The following NOXRED1 variants were observed in gnomAD, a reference collection of about 807,000 sequenced individuals.
The protein encoded by NOXRED1 is NADP dependent oxidoreductase domain containing 1.
A neutral mutation model predicts 30.4 loss-of-function variants in NOXRED1; 20 were observed. The observed-to-expected ratio is 0.66, with a 90% CI of 0.46 to 0.96. The LOEUF is 0.96. NOXRED1 is among the 40% of genes least tolerant of loss of function. NOXRED1 has a pLI of 0.00. For synonymous variants in NOXRED1, 155 were observed against 168.0 expected (o/e 0.92, Z 0.60); for missense variants, 374 against 428.0 (o/e 0.87, Z 1.11).
At chr14:77,414,520 T>G (rs1894761551) in intron 1 of NOXRED1, among the ~76,000 whole-genome samples, 1 of 152,178 alleles carries the variant, frequency 6.6e-6, no homozygotes, top group Non-Finnish European at 1.5e-5. Flanking sequence ...TTCTGCTTTG[T>G]CATTTAAGGT....
intron 3 of NOXRED1, among the ~76,000 whole-genome samples, chr14:77,407,194 C>A (rs1249867605): frequency 2.6e-5 from 4 of 152,210 alleles, no homozygotes; most frequent in African/African-American, 9.6e-5. Context: ...GAGAATACTT[C>A]AGTGTTCAAG....
rs772721948 is a variant in NOXRED1, at chr14:77,405,982, GCTGTGTCTTTCC to G, written c.824_835del (p.Gly275_Thr278del). 1 of 1,613,792 alleles carries G rather than the reference GCTGTGTCTTTCC, an allele frequency of 6.2e-7. No homozygotes were observed. The highest frequency in any genetic ancestry group is 1.1e-5 in the South Asian group (1 of 91,068). On this transcript the variant is annotated inframe_deletion, in exon 5 of 6. Transcript: ENST00000380835. ...TGTTAATTGCAACTTTGGGCAAGATGCTGTGTCTTTCCCACAGTCTTCAAAGTGCACGGAGAG... is the reference window on the plus strand; with the variant it reads ...TGTTAATTGCAACTTTGGGCAAGATGCACAGTCTTCAAAGTGCACGGAGAG...
chr14:77,410,839 T>C (rs2139683900), intron 2 of NOXRED1, among the ~76,000 whole-genome samples: 1 of 152,312 alleles, frequency 6.6e-6, no homozygotes, highest in East Asian at 1.9e-4. Flanking sequence ...AGCACTGACC[T>C]GTGTGTAGTG....
chr14:77,406,971 C>A (rs1260100007), intron 3 of NOXRED1, 96 bp from the exon 4 acceptor site: 7 of 1,055,988 alleles, frequency 6.6e-6, no homozygotes, highest in East Asian at 5.2e-5. Context: ...CAACAGACTC[C>A]CCCACACAGC....
In NOXRED1 at chr14:77,422,917, A is replaced by G; in HGVS notation, c.-28T>C. On this transcript the variant is annotated 5_prime_UTR_variant, in exon 1 of 6. Coordinates refer to ENST00000380835, the MANE Select transcript of NOXRED1 (RefSeq NM_001113475.3). ...CCAAGCCACTATTTCCTGCAGTGAT[A>G]GACACTAATCAATTTGGCTCCCTGT... is the stretch of plus-strand genomic sequence containing the variant. 1 of 1,598,326 alleles carries G rather than the reference A, an allele frequency of 6.3e-7. No homozygotes were observed. The highest frequency in any genetic ancestry group is 1.7e-5 in the Admixed American group (1 of 57,272).
chr14:77,423,038 ACT>A lies in NOXRED1; in HGVS notation c.-151_-150del, dbSNP rs1895043504. On this transcript the variant is annotated 5_prime_UTR_variant, in exon 1 of 6. Coordinates refer to ENST00000380835, the MANE Select transcript of NOXRED1 (RefSeq NM_001113475.3). ...TGATGATGGGCTTCAGCACCTCTCT[ACT>A]CCCAGATTCTGAATTTGGAATTCAC... 3 of 628,666 alleles carry A rather than the reference ACT, an allele frequency of 4.8e-6. No homozygotes were observed. Among genetic ancestry groups the A allele is most frequent in the Non-Finnish European group, 5.6e-6 (2 of 359,646 alleles). 38.9% of individuals were successfully genotyped at this position (628,666 alleles called of 1,614,324 possible).
chr14:77,414,855 C>A (rs1224307650), intron 1 of NOXRED1, among the ~76,000 whole-genome samples: 1 of 151,954 alleles, frequency 6.6e-6, no homozygotes, highest in Non-Finnish European at 1.5e-5. Flanking sequence ...TCTGTGCAGA[C>A]AGCTTTCAAT....
chr14:77,415,181 AACACACACACACAC>A lies in NOXRED1; in HGVS notation c.156-1068_156-1055del, dbSNP rs57039967. Among the ~76,000 whole-genome samples the A allele has an allele frequency of 1.0e-3, 152 of 149,158 alleles. 1 individual carries two copies. The highest frequency in any genetic ancestry group is 1.8e-3 in the East Asian group (9 of 5,052). On this transcript the variant is annotated intron_variant, in intron 1 of 5. Coordinates refer to ENST00000380835, the MANE Select transcript of NOXRED1 (RefSeq NM_001113475.3). ...ACAGAGCAAGACCCTGTCTCAGGAAAACACACACACACACACACACACACACACACACACACACC... is the reference window on the plus strand; with the variant it reads ...ACAGAGCAAGACCCTGTCTCAGGAAAACACACACACACACACACACACACC...
chr14:77,407,722 G>T, intron 2 of NOXRED1, 77 bp from the exon 3 acceptor site: 2 of 978,968 alleles, frequency 2.0e-6, no homozygotes, highest in Non-Finnish European at 3.2e-6. Context: ...GGGAGAGGGT[G>T]ATCATTATTT....
At chr14:77,396,058 A>T (rs1894169542) in intron 5 of NOXRED1, among the ~76,000 whole-genome samples, 1 of 152,100 alleles carries the variant, frequency 6.6e-6, no homozygotes, top group East Asian at 1.9e-4. Context: ...CTGTTAAAAA[A>T]AAAATCAAGA....
chr14:77,417,364 G>A (rs8003282), intron 1 of NOXRED1, among the ~76,000 whole-genome samples: 1 of 152,034 alleles, frequency 6.6e-6, no homozygotes, highest in South Asian at 2.1e-4. Context: ...TTGTCTGGTT[G>A]TTCTATCCAT....
intron 1 of NOXRED1, among the ~76,000 whole-genome samples, chr14:77,415,631 T>TAGATAGATAGATAGACAGAC (rs1555363632): frequency 9.2e-5 from 13 of 141,392 alleles, no homozygotes; most frequent in East Asian, 8.1e-4. Context: ...GATAGATAGA[T>TAGATAGATAGATAGACAGAC]AGACAGACAG....
intron 5 of NOXRED1, among the ~76,000 whole-genome samples, chr14:77,398,460 A>G (rs2139663501): frequency 6.6e-6 from 1 of 152,274 alleles, no homozygotes; most frequent in African/African-American, 2.4e-5. Context: ...GAAGAGAAAT[A>G]GCCAGTTCCA....
In NOXRED1 at chr14:77,399,891, GATAA is replaced by G. The variant is rs1278533208; in HGVS notation, c.906-5090_906-5087del. 2.6e-5 allele frequency among the ~76,000 whole-genome samples: 4 copies of G among 151,646 alleles called. No homozygotes were observed. In the South Asian group the frequency reaches 8.3e-4, roughly 32 times the overall value. ...GGAAGCTCAAGAAGACACCAAGCAG[GATAA>G]ATAACAAAAACACACAAGAAACTAT... On this transcript the variant is annotated intron_variant, in intron 5 of 5. Coordinates refer to ENST00000380835, the MANE Select transcript of NOXRED1 (RefSeq NM_001113475.3).
In NOXRED1 at chr14:77,394,583, T is replaced by A; in HGVS notation, c.*48A>T. The A allele has an allele frequency of 6.9e-7, 1 of 1,449,112 alleles. No individual in the cohort carries two copies. Among genetic ancestry groups the A allele is most frequent in the Non-Finnish European group, 9.6e-7 (1 of 1,037,102 alleles). The allele number at this position is 1,449,112 out of a possible 1,614,324, so 89.8% of individuals were successfully genotyped here. A position where few individuals can be genotyped will look rare whatever the true frequency, so the allele number is the denominator to read the frequency against. Reference sequence around the variant, plus strand: ...ATTGTGATAATCAGGGCACAACTATTATAGGGAAAATCTGTGAGTGGGAAA... The same window carrying A: ...ATTGTGATAATCAGGGCACAACTATAATAGGGAAAATCTGTGAGTGGGAAA... On this transcript the variant is annotated 3_prime_UTR_variant, in exon 6 of 6. Coordinates refer to ENST00000380835, the MANE Select transcript of NOXRED1 (RefSeq NM_001113475.3).
At chr14:77,410,933 T>A (rs1894632162) in intron 2 of NOXRED1, among the ~76,000 whole-genome samples, 1 of 152,090 alleles carries the variant, frequency 6.6e-6, no homozygotes, top group Non-Finnish European at 1.5e-5. Flanking sequence ...ACATTAGAAG[T>A]TTCTTTAAAT....
chr14:77,422,014 C>G (rs1269696064), intron 1 of NOXRED1, among the ~76,000 whole-genome samples: 3 of 152,162 alleles, frequency 2.0e-5, no homozygotes, highest in African/African-American at 7.2e-5. Context: ...GAGAAGCCTG[C>G]CTCCTTGGAC....
intron 5 of NOXRED1, among the ~76,000 whole-genome samples, chr14:77,399,805 T>G (rs1019015305): frequency 6.6e-6 from 1 of 152,020 alleles, no homozygotes; most frequent in Non-Finnish European, 1.5e-5. Flanking sequence ...AAGAAATATT[T>G]GAAACAATAA....
chr14:77,397,104 A>C (rs1016182800), intron 5 of NOXRED1, among the ~76,000 whole-genome samples: 1 of 152,256 alleles, frequency 6.6e-6, no homozygotes, highest in African/African-American at 2.4e-5. Context: ...ATGAATGTTC[A>C]TAACACCCTT....
Sources: allele counts gnomAD v4.1 joint callset (sites outside exome capture counted in the v4.1 genomes callset), GRCh38; gene constraint gnomAD v4.1.1; transcripts MANE v1.5; gene names NCBI Gene and HGNC (gene_info 2026-07-23, HGNC 2026-07-21).